The following CTNND2 variants were observed in gnomAD, a reference collection of about 807,000 sequenced individuals.
CTNND2 encodes the protein catenin delta 2.
CTNND2 carries 22 observed loss-of-function variants against 144.4 expected under a neutral mutation model. The observed-to-expected ratio is 0.15, with a 90% confidence interval of 0.11 to 0.22. The LOEUF (loss-of-function observed/expected upper bound fraction) is 0.22. CTNND2 is among the 10% of genes least tolerant of loss of function. The pLI is 1.00. For missense variants in CTNND2, 1,353 were observed against 1,618.8 expected, an observed-to-expected ratio of 0.84 and a Z score of 2.82; for synonymous variants, 751 against 695.6, an observed-to-expected ratio of 1.08 and a Z score of -1.25.
At chr5:11,692,003 T>C (rs1784929603) in intron 2 of CTNND2, among the ~76,000 whole-genome samples, 1 of 152,242 alleles carries the variant, frequency 6.6e-6, no homozygotes, top group Admixed American at 6.5e-5. Context: ...TTCTATAAAA[T>C]GTAAAGGTTA....
At position 11,102,970 on chromosome 5, in the gene CTNND2, ATTTTTTTTTT is replaced by A. The variant is rs778134907; in HGVS notation, c.2464-4232_2464-4223del. Among the ~76,000 whole-genome samples the A allele has an allele frequency of 1.3e-3, 113 of 84,078 alleles. No individual in the cohort carries two copies. The Middle Eastern group carries it at 0.023, about 17-fold the overall frequency. The allele number at this position is 84,078 out of a possible 152,430, so 55.2% of individuals were successfully genotyped here. On this transcript the variant is annotated intron_variant, in intron 14 of 21. Transcript: ENST00000304623. ...GCAGGGCTTAAATTCTATTTAAAAG[ATTTTTTTTTT>A]TTTTTTTTTTTTTTTTTTTGAGACA...
At chr5:11,874,621 AAG>A (rs1560954205) in intron 1 of CTNND2, among the ~76,000 whole-genome samples, 2 of 152,194 alleles carry the variant, frequency 1.3e-5, no homozygotes, top group African/African-American at 4.8e-5. Flanking sequence ...TCCCTGGAGA[AAG>A]GGGTAATTTA....
chr5:11,333,447 TAGAG>T (rs1157249540), intron 9 of CTNND2, among the ~76,000 whole-genome samples: 1 of 152,108 alleles, frequency 6.6e-6, no homozygotes, highest in Non-Finnish European at 1.5e-5. Context: ...TATTATTCTG[TAGAG>T]ACAGGGTTTT....
intron 16 of CTNND2, among the ~76,000 whole-genome samples, chr5:11,048,880 G>A (rs926722699): frequency 6.6e-6 from 1 of 152,178 alleles, no homozygotes; most frequent in Non-Finnish European, 1.5e-5. Flanking sequence ...GCTTGGCACT[G>A]TTGATATTTT....
intron 2 of CTNND2, among the ~76,000 whole-genome samples, chr5:11,576,525 C>G (rs1358511438): frequency 6.6e-6 from 1 of 151,738 alleles, no homozygotes; most frequent in African/African-American, 2.4e-5. Flanking sequence ...GTATGTAAAA[C>G]TTTTCAGAGT....
At chr5:11,002,124 C>A (rs555195840) in intron 18 of CTNND2, among the ~76,000 whole-genome samples, 1 of 152,314 alleles carries the variant, frequency 6.6e-6, no homozygotes, top group South Asian at 2.1e-4. Flanking sequence ...ATTAGCTATG[C>A]CCCAATTCCT....
At chr5:11,746,325 TC>T (rs375813976) in intron 1 of CTNND2, among the ~76,000 whole-genome samples, 99 of 152,298 alleles carry the variant, frequency 6.5e-4, no homozygotes, top group Middle Eastern at 3.4e-3. Flanking sequence ...ACTTTCATAG[TC>T]CTAATGGATG....
intron 1 of CTNND2, among the ~76,000 whole-genome samples, chr5:11,767,692 C>T (rs553699201): frequency 3.9e-5 from 6 of 152,012 alleles, no homozygotes; most frequent in East Asian, 1.9e-4. Flanking sequence ...CTGCTTGAGT[C>T]GATGCTAGGT....
chr5:11,364,544 A>G, intron 8 of CTNND2, 152 bp downstream of exon 8: 1 of 563,302 alleles, frequency 1.8e-6, no homozygotes, highest in East Asian at 3.4e-5. Context: ...TGTTTCTACC[A>G]TTATCATTAC....
intron 21 of CTNND2, among the ~76,000 whole-genome samples, chr5:10,975,711 C>A (rs1736378938): frequency 1.3e-5 from 2 of 152,162 alleles, no homozygotes; most frequent in Admixed American, 1.3e-4. Context: ...ATAAGAAAGT[C>A]GGTGGACAAA....
chr5:11,609,690 T>A (rs1425139730), intron 2 of CTNND2, among the ~76,000 whole-genome samples: 4 of 152,208 alleles, frequency 2.6e-5, no homozygotes, highest in Non-Finnish European at 4.4e-5. Flanking sequence ...CACAAAGGAA[T>A]GCCTTGTCCA....
intron 3 of CTNND2, among the ~76,000 whole-genome samples, chr5:11,420,067 G>A (rs1235818519): frequency 2.6e-5 from 4 of 152,174 alleles, no homozygotes; most frequent in Admixed American, 6.5e-5. Context: ...GCTCACACCT[G>A]TAATCCCACA....
At position 11,565,438 on chromosome 5, in the gene CTNND2, TCA is replaced by T. The variant is rs61763036; in HGVS notation, c.175-384_175-383del. 2.5e-3 allele frequency among the ~76,000 whole-genome samples: 381 copies of T among 152,340 alleles called. 4 individuals carry two copies. The East Asian group carries it at 0.045, about 18-fold the overall frequency. On this transcript the variant is annotated intron_variant, in intron 2 of 21. Transcript: ENST00000304623. The stretch of plus-strand genomic sequence containing the variant: ...TATAGCATTTAATGAGAAAAAGAGT[TCA>T]GTTTTTAATTATCTTTTGGAGTTTT...
chr5:11,879,354 T>TATATATATATATAC (rs1169270632), intron 1 of CTNND2, among the ~76,000 whole-genome samples: 60 of 139,778 alleles, frequency 4.3e-4, no homozygotes, highest in African/African-American at 1.3e-3. Context: ...TATATATATA[T>TATATATATATATAC]ATACATATAC....
rs568839264 is a variant in CTNND2, at chr5:11,314,408, C to T, written c.1628+31964G>A. 2.3e-3 allele frequency among the ~76,000 whole-genome samples: 349 copies of T among 152,240 alleles called. 1 individual carries two copies. The highest frequency in any genetic ancestry group is 6.8e-3 in the Middle Eastern group (2 of 294). On this transcript the variant is annotated intron_variant, in intron 9 of 21. Coordinates refer to ENST00000304623, the MANE Select transcript of CTNND2 (RefSeq NM_001332.4). The stretch of plus-strand genomic sequence containing the variant: ...CTCTGTCACCCAGGCTGGAGTGCAG[C>T]GGCATGATCAGAGCTCACTGCAGCC...
intron 9 of CTNND2, among the ~76,000 whole-genome samples, chr5:11,313,770 G>A (rs1359072691): frequency 6.6e-6 from 1 of 152,180 alleles, no homozygotes; most frequent in African/African-American, 2.4e-5. Flanking sequence ...AAAGAAAAGA[G>A]GTTTAATTGG....
chr5:11,620,168 T>TA (rs1780764073), intron 2 of CTNND2, among the ~76,000 whole-genome samples: 2 of 152,170 alleles, frequency 1.3e-5, no homozygotes, highest in Non-Finnish European at 2.9e-5. Context: ...CATCCTTTTT[T>TA]ATTTTCTGTA....
At chr5:11,358,815 T>G (rs1345453233) in intron 8 of CTNND2, among the ~76,000 whole-genome samples, 1 of 152,214 alleles carries the variant, frequency 6.6e-6, no homozygotes, top group Non-Finnish European at 1.5e-5. Flanking sequence ...TTGCAGTACT[T>G]GTCATCTTCA....
chr5:11,739,557 AG>A (rs577277643), intron 1 of CTNND2, among the ~76,000 whole-genome samples: 6 of 152,298 alleles, frequency 3.9e-5, no homozygotes, highest in Admixed American at 3.9e-4. Flanking sequence ...GTAAAGATTG[AG>A]AGCTATTTAT....
Sources: gnomAD v4.1 joint callset for allele counts (sites outside exome capture counted in the v4.1 genomes callset) on GRCh38, gnomAD v4.1.1 for gene constraint, MANE v1.5 for transcripts, NCBI Gene and HGNC (gene_info 2026-07-23, HGNC 2026-07-21) for gene names.